Variants in DOCK2 observed in about 807,000 individuals in gnomAD.
The protein encoded by DOCK2 is dedicator of cytokinesis protein 2.
Under a neutral mutation model 248.9 loss-of-function variants are expected in DOCK2, and 87 were observed. The observed-to-expected ratio is 0.35, with a 90% CI of 0.29 to 0.42. DOCK2 has a LOEUF of 0.42. DOCK2 is among the 10% of genes least tolerant of loss of function. The pLI, the probability that DOCK2 is intolerant of heterozygous loss-of-function variation, is 1.00. For missense variants in DOCK2, 1,747 were observed against 2,300.2 expected, an observed-to-expected ratio of 0.76 and a Z score of 4.92; for synonymous variants, 805 against 821.6, an observed-to-expected ratio of 0.98 and a Z score of 0.35.
intron 3 of DOCK2, among the ~76,000 whole-genome samples, chr5:169,669,798 G>C (rs1758941989): frequency 6.6e-6 from 1 of 152,138 alleles, no homozygotes; most frequent in Admixed American, 6.5e-5. Context: ...CGCTTGCTTT[G>C]CTTGTCTCAT....
At chr5:169,743,295 G>A (rs1763424947) in intron 22 of DOCK2, among the ~76,000 whole-genome samples, 1 of 152,040 alleles carries the variant, frequency 6.6e-6, no homozygotes, top group Non-Finnish European at 1.5e-5. Flanking sequence ...TTATAGCTGG[G>A]CATTGGTGGC....
At chr5:169,865,709 G>A (rs559602733) in intron 27 of DOCK2, among the ~76,000 whole-genome samples, 4 of 152,334 alleles carry the variant, frequency 2.6e-5, no homozygotes, top group East Asian at 1.9e-4. Context: ...TGGAGGAAAC[G>A]TGGTCATGAA....
rs1239438005 is a variant in DOCK2 at position 169,795,482 on chromosome 5, G to GCTGCTCCCCATGA, written c.2555-7576_2555-7575insCTGCTCCCCATGA. 5.5e-4 allele frequency among the ~76,000 whole-genome samples: 84 copies of GCTGCTCCCCATGA among 152,308 alleles called. No individual in the cohort carries two copies. In the Middle Eastern group the frequency reaches 0.017, roughly 31 times the overall value. ...TAATGAGGCATGTTTCTGGGGGTGA[G>GCTGCTCCCCATGA]GCAAGTGACTCATGGGGAGCTGCTG... On this transcript the variant is annotated intron_variant, in intron 25 of 51. Transcript: ENST00000520908.
intron 2 of DOCK2, among the ~76,000 whole-genome samples, chr5:169,654,882 G>A (rs1259176228): frequency 6.6e-6 from 1 of 152,188 alleles, no homozygotes; most frequent in Non-Finnish European, 1.5e-5. Context: ...TGTGTTGTTT[G>A]TTTACTGCAT....
chr5:170,078,190 TC>T (rs1757903321), intron 48 of DOCK2, among the ~76,000 whole-genome samples: 1 of 152,136 alleles, frequency 6.6e-6, no homozygotes, highest in East Asian at 1.9e-4. Context: ...CTGTTCCCTT[TC>T]AAGGAAGCTC....
chr5:169,655,595 A>G (rs1758063515), intron 2 of DOCK2, among the ~76,000 whole-genome samples: 2 of 152,230 alleles, frequency 1.3e-5, no homozygotes, highest in African/African-American at 4.8e-5. Flanking sequence ...TGTCATTTCC[A>G]GTGCTGGATT....
intron 25 of DOCK2, among the ~76,000 whole-genome samples, chr5:169,777,911 T>C (rs1165550548): frequency 6.6e-6 from 1 of 152,224 alleles, no homozygotes; most frequent in Admixed American, 6.5e-5. Flanking sequence ...TGCAGTTTCC[T>C]GTGCATTCCA....
intron 27 of DOCK2, among the ~76,000 whole-genome samples, chr5:169,849,891 G>A (rs912215654): frequency 3.3e-5 from 5 of 152,156 alleles, no homozygotes; most frequent in Admixed American, 1.3e-4. Flanking sequence ...CACCTCTTAC[G>A]GTTGTCCTTG....
chr5:169,771,480 A>T (rs1209488343), intron 25 of DOCK2, among the ~76,000 whole-genome samples: 1 of 151,806 alleles, frequency 6.6e-6, no homozygotes, highest in Non-Finnish European at 1.5e-5. Flanking sequence ...GACAGGTTTC[A>T]CCGTGTTGGT....
At chr5:170,050,905 A>C (rs1756891429) in intron 41 of DOCK2, among the ~76,000 whole-genome samples, 1 of 152,206 alleles carries the variant, frequency 6.6e-6, no homozygotes, top group Admixed American at 6.5e-5. Flanking sequence ...AGCAAGGTGC[A>C]AGGGACTGGA....
chr5:170,022,341 C>A (rs2113825040), intron 33 of DOCK2, among the ~76,000 whole-genome samples: 1 of 152,282 alleles, frequency 6.6e-6, no homozygotes, highest in East Asian at 1.9e-4. Flanking sequence ...GTTCTGGGGG[C>A]TGAACAAGAG....
chr5:169,789,944 A>G (rs943583915), intron 25 of DOCK2, among the ~76,000 whole-genome samples: 16 of 152,154 alleles, frequency 1.1e-4, no homozygotes, highest in African/African-American at 3.9e-4. Context: ...TATTTGAAAT[A>G]TAGTATACTT....
chr5:170,057,038 A>G, intron 43 of DOCK2: 1 of 453,574 alleles, frequency 2.2e-6, no homozygotes, highest in Non-Finnish European at 4.0e-6. Context: ...GCCAGCACGT[A>G]GAAACCCTCA....
In DOCK2 at chr5:169,764,641, T is replaced by C. The variant is rs73320182; in HGVS notation, c.2554+3016T>C. Reference sequence around the variant, plus strand: ...GTTTCATACTAAACAGCAATTGTTATTATTGGTGTTGTGGTTGTTTTTCCT... The same window carrying C: ...GTTTCATACTAAACAGCAATTGTTACTATTGGTGTTGTGGTTGTTTTTCCT... On this transcript the variant is annotated intron_variant, in intron 25 of 51. Transcript: ENST00000520908. This position sits in a 1 kb window ranked among gnomAD's most constrained non-coding sequence, Gnocchi z 4.3. 0.12 allele frequency among the ~76,000 whole-genome samples: 18,699 copies of C among 152,212 alleles called. 1,569 individuals are homozygous for C. The highest frequency in any genetic ancestry group is 0.23 in the African/African-American group (9,478 of 41,490).
At chr5:169,844,256 A>G (rs1295393436) in intron 27 of DOCK2, among the ~76,000 whole-genome samples, 1 of 152,198 alleles carries the variant, frequency 6.6e-6, no homozygotes, top group African/African-American at 2.4e-5. Flanking sequence ...CCAGTAGATG[A>G]GTTTATTATG....
At chr5:169,905,269 A>G (rs996503611) in intron 27 of DOCK2, among the ~76,000 whole-genome samples, 1 of 147,550 alleles carries the variant, frequency 6.8e-6, no homozygotes, top group African/African-American at 2.5e-5. Context: ...AATGAAACCC[A>G]GGAGCAGTAC....
chr5:169,778,148 T>C (rs531220659), intron 25 of DOCK2, among the ~76,000 whole-genome samples: 1 of 152,332 alleles, frequency 6.6e-6, no homozygotes, highest in Non-Finnish European at 1.5e-5. Context: ...TTACTATTTC[T>C]GGAGTTCTTA....
chr5:169,911,195 G>A (rs980558630), intron 27 of DOCK2, among the ~76,000 whole-genome samples: 2 of 152,056 alleles, frequency 1.3e-5, no homozygotes, highest in African/African-American at 2.4e-5. Context: ...GATTTAACAG[G>A]TCAGGTATGT....
At chr5:169,998,198 T>G (rs1318798865) in intron 30 of DOCK2, among the ~76,000 whole-genome samples, 3 of 152,224 alleles carry the variant, frequency 2.0e-5, no homozygotes, top group Non-Finnish European at 4.4e-5. Context: ...CTTGTCTACC[T>G]GCGTATTTTC....
Sources: allele counts gnomAD v4.1 joint callset (sites outside exome capture counted in the v4.1 genomes callset), GRCh38; gene constraint gnomAD v4.1.1; non-coding constraint Gnocchi (gnomAD v3.1); transcripts MANE v1.5; gene names NCBI Gene and HGNC (gene_info 2026-07-23, HGNC 2026-07-21).